MCPH1: variants seen among roughly 807,000 people sequenced by gnomAD.
MCPH1 encodes microcephalin 1.
In MCPH1, 104 loss-of-function variants were observed where a neutral mutation model predicts 84.5. The observed-to-expected ratio is 1.23, with a 90% confidence interval of 1.05 to 1.45. The LOEUF is 1.45. Among genes scored for constraint, MCPH1 ranks in the 40% most tolerant of loss-of-function variants. MCPH1 has a pLI of 0.00. For synonymous variants in MCPH1, 514 were observed against 366.8 expected (o/e 1.40, Z -4.58); for missense variants, 1,498 against 1,005.7 (o/e 1.49, Z -6.62).
intron 13 of MCPH1, chr8:6,626,111 A>G (rs1832050248): frequency 2.0e-6 from 2 of 985,202 alleles, no homozygotes; most frequent in Non-Finnish European, 2.4e-6. Context: ...ATGACGATAA[A>G]AATTGTTAGT....
intron 5 of MCPH1, 121 bp downstream of exon 5, chr8:6,436,283 A>G (rs1451235890): frequency 1.8e-6 from 2 of 1,110,740 alleles, no homozygotes; most frequent in African/African-American, 1.6e-5. Flanking sequence ...GCTTTACTCT[A>G]TGAAGGAGAA....
At chr8:6,564,555 T>C (rs1050011723) in intron 12 of MCPH1, among the ~76,000 whole-genome samples, 1 of 141,586 alleles carries the variant, frequency 7.1e-6, no homozygotes, top group Non-Finnish European at 1.6e-5. Context: ...CAAGTGTACA[T>C]AGGGAAAAAG....
chr8:6,583,714 G>C (rs1490435733), intron 12 of MCPH1, among the ~76,000 whole-genome samples: 1 of 151,974 alleles, frequency 6.6e-6, no homozygotes. Context: ...CTTATAAATA[G>C]TTCTCCAAGT....
intron 11 of MCPH1, among the ~76,000 whole-genome samples, chr8:6,489,827 G>C (rs1349521756): frequency 6.6e-6 from 1 of 152,024 alleles, no homozygotes; most frequent in East Asian, 1.9e-4. Context: ...TGAATCTGTT[G>C]GCTGAGTTAT....
intron 12 of MCPH1, among the ~76,000 whole-genome samples, chr8:6,611,062 CCTA>C (rs1830212058): frequency 1.3e-5 from 2 of 152,030 alleles, no homozygotes; most frequent in Non-Finnish European, 2.9e-5. Context: ...TCCTGTTTTT[CCTA>C]CTACTGCTAC....
chr8:6,469,858 T>C (rs545527106), intron 9 of MCPH1, among the ~76,000 whole-genome samples: 2 of 152,344 alleles, frequency 1.3e-5, no homozygotes, highest in East Asian at 3.9e-4. Flanking sequence ...CCCTCATCTC[T>C]ACTCCTTTAG....
intron 12 of MCPH1, among the ~76,000 whole-genome samples, chr8:6,534,348 G>C (rs1162287266): frequency 6.6e-6 from 1 of 152,004 alleles, no homozygotes; most frequent in Non-Finnish European, 1.5e-5. Flanking sequence ...ATGTGTATAG[G>C]TTATATGCAG....
intron 6 of MCPH1, among the ~76,000 whole-genome samples, chr8:6,440,768 T>C (rs1233023506): frequency 6.6e-6 from 1 of 152,240 alleles, no homozygotes; most frequent in Non-Finnish European, 1.5e-5. Context: ...TGTGATCAAC[T>C]ATTACCTCGC....
At chr8:6,446,725 G>C (rs942858574) in intron 8 of MCPH1, 1 of 985,260 alleles carries the variant, frequency 1.0e-6, no homozygotes, top group Non-Finnish European at 1.2e-6. Context: ...TTTTCACCTT[G>C]TGTATTTTTT....
chr8:6,561,935 C>G (rs1825603292), intron 12 of MCPH1, among the ~76,000 whole-genome samples: 2 of 152,178 alleles, frequency 1.3e-5, no homozygotes, highest in African/African-American at 4.8e-5. Context: ...CGTGGCATGA[C>G]TTGAACATAA....
chr8:6,543,656 A>G (rs1443305824), intron 12 of MCPH1, among the ~76,000 whole-genome samples: 1 of 152,142 alleles, frequency 6.6e-6, no homozygotes, highest in Non-Finnish European at 1.5e-5. Context: ...TTTTAATGTA[A>G]TGATTTCATA....
chr8:6,503,515 C>T (rs1283978108), intron 12 of MCPH1, among the ~76,000 whole-genome samples: 3 of 152,108 alleles, frequency 2.0e-5, no homozygotes, highest in Admixed American at 1.3e-4. Flanking sequence ...TGTGGAGAGG[C>T]CTGAATTCTC....
At chr8:6,557,545 A>G (rs2129575491) in intron 12 of MCPH1, among the ~76,000 whole-genome samples, 1 of 152,316 alleles carries the variant, frequency 6.6e-6, no homozygotes, top group South Asian at 2.1e-4. Flanking sequence ...GATGTAGTGA[A>G]AAGAGAATAG....
At chr8:6,476,439 A>AG (rs1808470042) in intron 9 of MCPH1, among the ~76,000 whole-genome samples, 1 of 151,976 alleles carries the variant, frequency 6.6e-6, no homozygotes, top group Non-Finnish European at 1.5e-5. Flanking sequence ...CAAAAAAAAA[A>AG]AAAAAAGAAG....
intron 12 of MCPH1, among the ~76,000 whole-genome samples, chr8:6,521,997 C>T (rs112305762): frequency 2.6e-4 from 40 of 152,330 alleles, no homozygotes; most frequent in Middle Eastern, 3.4e-3. Context: ...TTAATGTCCT[C>T]ACCTGTTAAT....
chr8:6,410,127 G>A (rs925748693), intron 2 of MCPH1, among the ~76,000 whole-genome samples: 7 of 151,830 alleles, frequency 4.6e-5, no homozygotes, highest in Non-Finnish European at 1.0e-4. Flanking sequence ...ATGCCACCAT[G>A]CCTAGCTAAT....
intron 12 of MCPH1, chr8:6,501,643 C>T (rs533121596): frequency 1.3e-5 from 2 of 151,034 alleles, no homozygotes; most frequent in Admixed American, 6.6e-5. Flanking sequence ...CAACCTCTAC[C>T]TCCCTGGTGC....
chr8:6,407,842 G>T (rs978461828), intron 1 of MCPH1, among the ~76,000 whole-genome samples: 10 of 152,136 alleles, frequency 6.6e-5, no homozygotes, highest in African/African-American at 9.7e-5. Context: ...TTTTGTAAGG[G>T]TCTACGAGCT....
At chr8:6,621,983 C>T (rs536940411) in intron 13 of MCPH1, 9 of 440,904 alleles carry the variant, frequency 2.0e-5, no homozygotes, top group South Asian at 1.4e-4. Flanking sequence ...CCCGGGCCAC[C>T]CCTGTGGGCA....
Sources: gnomAD v4.1 joint callset for allele counts (sites outside exome capture counted in the v4.1 genomes callset) on GRCh38, gnomAD v4.1.1 for gene constraint, MANE v1.5 for transcripts, NCBI Gene and HGNC (gene_info 2026-07-23, HGNC 2026-07-21) for gene names.